Variants in SLC4A10 observed in about 807,000 individuals in gnomAD.
SLC4A10 encodes sodium-driven chloride bicarbonate exchanger.
A neutral mutation model predicts 137.7 loss-of-function variants in SLC4A10; 42 were observed. The observed-to-expected ratio is 0.30, with a 90% CI of 0.24 to 0.39. The LOEUF is 0.39. Among genes scored for constraint, SLC4A10 ranks in the 10% least tolerant of loss-of-function variants. The probability of loss-of-function intolerance (pLI) is 1.00; values close to 1 mark genes in which losing one functional copy is unlikely to be tolerated. For synonymous variants in SLC4A10, 474 were observed against 464.1 expected, an observed-to-expected ratio of 1.02 and a Z score of -0.27; for missense variants, 925 against 1,355.0, an observed-to-expected ratio of 0.68 and a Z score of 4.98.
chr2:161,963,550 G>T (rs1365368392), intron 21 of SLC4A10, among the ~76,000 whole-genome samples: 1 of 152,124 alleles, frequency 6.6e-6, no homozygotes, highest in African/African-American at 2.4e-5. Context: ...CTAAACTTTT[G>T]TTGGGGATTA....
At chr2:161,731,659 G>A (rs58903692) in intron 1 of SLC4A10, among the ~76,000 whole-genome samples, 1 of 152,014 alleles carries the variant, frequency 6.6e-6, no homozygotes, top group Admixed American at 6.6e-5. Context: ...AGGTGAATAG[G>A]TGTCAAGAGA....
At chr2:161,949,019 T>C (rs1694328618) in intron 17 of SLC4A10, 129 bp from the exon 18 acceptor site, 1 of 565,632 alleles carries the variant, frequency 1.8e-6, no homozygotes, top group African/African-American at 1.9e-5. Context: ...AATCTTATAG[T>C]ATGCATAAAA....
rs770661028 is a variant in SLC4A10 at position 161,949,205 on chromosome 2, A to G, written c.2323A>G (p.Ile775Val). ...VFLTILCMVL[I>V]DYAIGIPSPK... is the part of the protein sequence containing the mutation. ...TCTTACAATTCTGTGTATGGTTTTA[A>G]TTGACTATGCCATTGGGATCCCATC... Residue 775 changes from isoleucine to valine, a missense_variant, in exon 18 of 27, where the codon ATT (isoleucine) becomes GTT (valine). Ile to Val is a conservative substitution (Grantham distance 29, BLOSUM62 3). Coordinates refer to ENST00000446997, the MANE Select transcript of SLC4A10 (RefSeq NM_001178015.2). The G allele has an allele frequency of 3.7e-6, 6 of 1,611,554 alleles. No homozygotes were observed. The highest frequency in any genetic ancestry group is 1.3e-5 in the African/African-American group (1 of 74,746).
At chr2:161,626,381 A>G (rs564675494) in intron 1 of SLC4A10, among the ~76,000 whole-genome samples, 10 of 152,284 alleles carry the variant, frequency 6.6e-5, no homozygotes, top group Admixed American at 4.6e-4. Context: ...AGCAGAGAAA[A>G]TACAAGTCTT....
At chr2:161,842,529 A>T (rs1449630) in intron 4 of SLC4A10, among the ~76,000 whole-genome samples, 2 of 151,668 alleles carry the variant, frequency 1.3e-5, no homozygotes, top group African/African-American at 4.8e-5. Context: ...TATTTTCTTT[A>T]TTTGCCTTTT....
At chr2:161,762,184 A>T (rs2125365137) in intron 1 of SLC4A10, among the ~76,000 whole-genome samples, 1 of 152,246 alleles carries the variant, frequency 6.6e-6, no homozygotes, top group East Asian at 1.9e-4. Context: ...ATTTTATATG[A>T]TTTACTTAAT....
At chr2:161,847,990 C>A (rs1329820706) in intron 4 of SLC4A10, among the ~76,000 whole-genome samples, 1 of 152,156 alleles carries the variant, frequency 6.6e-6, no homozygotes, top group Non-Finnish European at 1.5e-5. Context: ...ACATTCCCAC[C>A]AGCAATGTAT....
intron 24 of SLC4A10, among the ~76,000 whole-genome samples, chr2:161,975,765 C>T (rs1699289756): frequency 6.6e-6 from 1 of 152,178 alleles, no homozygotes; most frequent in Admixed American, 6.5e-5. Flanking sequence ...CAAGGTTGCT[C>T]CATGTGAAGG....
At chr2:161,922,383 C>G (rs1039830588) in intron 15 of SLC4A10, among the ~76,000 whole-genome samples, 5 of 152,050 alleles carry the variant, frequency 3.3e-5, no homozygotes, top group African/African-American at 1.2e-4. Context: ...AAGCAAACCT[C>G]TTCAAATAAT....
intron 15 of SLC4A10, among the ~76,000 whole-genome samples, chr2:161,910,406 T>TA (rs1685549574): frequency 6.6e-6 from 1 of 152,100 alleles, no homozygotes; most frequent in Non-Finnish European, 1.5e-5. Context: ...AAGTTAGCAA[T>TA]AAAAAACAAG....
chr2:161,846,712 A>G (rs979625585), intron 4 of SLC4A10, among the ~76,000 whole-genome samples: 1 of 152,344 alleles, frequency 6.6e-6, no homozygotes, highest in East Asian at 1.9e-4. Flanking sequence ...TTAGTAAAAA[A>G]GTGTCAATCT....
At chr2:161,830,161 CA>C (rs201494187) in intron 3 of SLC4A10, among the ~76,000 whole-genome samples, 6,625 of 103,614 alleles carry the variant, frequency 0.064, 178 homozygotes, top group African/African-American at 0.12. Flanking sequence ...GGAACTAAAG[CA>C]AAAAAAAAAA....
At chr2:161,809,945 G>T (rs1244777832) in intron 3 of SLC4A10, among the ~76,000 whole-genome samples, 2 of 151,936 alleles carry the variant, frequency 1.3e-5, no homozygotes, top group Non-Finnish European at 2.9e-5. Flanking sequence ...AGATCGTATT[G>T]AATTCTGTAA....
chr2:161,679,922 T>A lies in SLC4A10; in HGVS notation c.48+55356T>A, dbSNP rs376834226. ...CCTGTCACTTAGGACTTTATCATAC[T>A]CTAGCCATGGCCTGTATTTCTAACC... On this transcript the variant is annotated intron_variant, in intron 1 of 26. Transcript: ENST00000446997. 1.1e-3 allele frequency among the ~76,000 whole-genome samples: 173 copies of A among 152,212 alleles called. 2 individuals carry two copies. In the South Asian group the frequency reaches 0.02, roughly 17 times the overall value.
chr2:161,918,738 A>C (rs1242952842), intron 15 of SLC4A10, among the ~76,000 whole-genome samples: 1 of 152,146 alleles, frequency 6.6e-6, no homozygotes, highest in Non-Finnish European at 1.5e-5. Flanking sequence ...GGCCCATCTG[A>C]AGTGGCTGCT....
At chr2:161,884,950 G>A (rs1345218134) in intron 10 of SLC4A10, among the ~76,000 whole-genome samples, 6 of 152,172 alleles carry the variant, frequency 3.9e-5, no homozygotes, top group Non-Finnish European at 8.8e-5. Context: ...GGCCAAGGTG[G>A]ATGGATCACC....
chr2:161,682,383 A>G (rs1239014558), intron 1 of SLC4A10, among the ~76,000 whole-genome samples: 2 of 152,266 alleles, frequency 1.3e-5, no homozygotes, highest in African/African-American at 2.4e-5. Context: ...TTAAAGATTT[A>G]TGCTTATGAG....
chr2:161,950,089 C>T (rs1694528769), intron 18 of SLC4A10, among the ~76,000 whole-genome samples: 1 of 151,942 alleles, frequency 6.6e-6, no homozygotes, highest in Non-Finnish European at 1.5e-5. Context: ...TTCCCTGAGC[C>T]TCTGCTGTGA....
chr2:161,668,878 C>T (rs1408554733), intron 1 of SLC4A10, among the ~76,000 whole-genome samples: 1 of 151,864 alleles, frequency 6.6e-6, no homozygotes, highest in Non-Finnish European at 1.5e-5. Context: ...TGCATTTTCA[C>T]CTTTCAATTT....
Sources: allele counts gnomAD v4.1 joint callset (sites outside exome capture counted in the v4.1 genomes callset), GRCh38; gene constraint gnomAD v4.1.1; transcripts MANE v1.5; gene names NCBI Gene and HGNC (gene_info 2026-07-23, HGNC 2026-07-21).